The following NCALD variants were observed in gnomAD, a reference collection of about 807,000 sequenced individuals.
NCALD encodes neurocalcin-delta.
Under a neutral mutation model 18.6 loss-of-function variants are expected in NCALD, and 10 were observed. The ratio of observed to expected loss-of-function variants is 0.54; its 90% CI spans 0.33 to 0.91. The LOEUF (loss-of-function observed/expected upper bound fraction) is 0.91. NCALD is among the 40% of genes least tolerant of loss of function. The pLI is 0.03. For synonymous variants in NCALD, 88 were observed against 87.4 expected (o/e 1.01, Z -0.04); for missense variants, 184 against 247.6 (o/e 0.74, Z 1.72).
At position 101,950,371 on chromosome 8, in the gene NCALD, G is replaced by A. The variant is rs190927942; in HGVS notation, c.-156-34513C>T. ...CAGGACCAGGCATTTCTAAAAGTAG[G>A]AAATGTGAAAAGAGACAACAGTAAT... On this transcript the variant is annotated intron_variant, in intron 2 of 6. Coordinates refer to the NCALD transcript ENST00000311028. The A allele has an allele frequency of 5.3e-5, 8 of 151,860 alleles. No individual in the cohort carries two copies. The East Asian group carries it at 1.3e-3, about 26-fold the overall frequency. The allele number at this position is 151,860 out of a possible 1,614,324, so 9.4% of individuals were successfully genotyped here.
chr8:101,804,313 T>C, intron 4 of NCALD, among the ~76,000 whole-genome samples: 1 of 108,578 alleles, frequency 9.2e-6, no homozygotes, highest in South Asian at 3.2e-4. Context: ...ATTATATCAA[T>C]TATATATTAT....
chr8:101,890,566 G>T lies in NCALD; in HGVS notation c.-106-3339C>A, dbSNP rs868862894. 1.2e-4 allele frequency among the ~76,000 whole-genome samples: 19 copies of T among 152,254 alleles called. 1 individual carries two copies. Among genetic ancestry groups the T allele is most frequent in the Middle Eastern group, 3.4e-3 (1 of 294 alleles). On this transcript the variant is annotated intron_variant, in intron 3 of 6. Coordinates refer to the NCALD transcript ENST00000311028. ...ACTGGGATTAGCACACTTATAAAAG[G>T]GCTCCAGGTTGAAGGGAGTGCCCTC...
chr8:101,851,946 C>T (rs1013707540), intron 4 of NCALD, among the ~76,000 whole-genome samples: 1 of 152,020 alleles, frequency 6.6e-6, no homozygotes, highest in Non-Finnish European at 1.5e-5. Context: ...GGGATTATTG[C>T]CCTTATAAAA....
chr8:101,746,956 T>C (rs1029932481), intron 1 of NCALD, among the ~76,000 whole-genome samples: 3 of 152,126 alleles, frequency 2.0e-5, no homozygotes, highest in African/African-American at 7.2e-5. Context: ...AGGGCAAAGA[T>C]GTTCCAATCA....
chr8:101,816,055 G>A (rs553882608), intron 4 of NCALD, among the ~76,000 whole-genome samples: 1 of 152,096 alleles, frequency 6.6e-6, no homozygotes, highest in Admixed American at 6.6e-5. Context: ...GCTACATACT[G>A]TATGATTCCA....
At chr8:102,084,083 A>C (rs967802299) in intron 1 of NCALD, among the ~76,000 whole-genome samples, 2 of 152,238 alleles carry the variant, frequency 1.3e-5, no homozygotes, top group Non-Finnish European at 2.9e-5. Flanking sequence ...CTCTAAATGC[A>C]CAGTCAGAAT....
chr8:101,825,440 C>T (rs1813896443), intron 4 of NCALD, among the ~76,000 whole-genome samples: 1 of 152,244 alleles, frequency 6.6e-6, no homozygotes, highest in Non-Finnish European at 1.5e-5. Flanking sequence ...CTTGAACAAT[C>T]CAGTTAGATC....
In NCALD at chr8:101,828,330, A is replaced by T. The variant is rs112534765; in HGVS notation, c.-20+58811T>A. On this transcript the variant is annotated intron_variant, in intron 4 of 6. Transcript: ENST00000311028. ...CTTGCCAGCCCCGCTCCCGATTACT[A>T]CCCCGATTCAATGCTTCCTCTCCCC... is the stretch of plus-strand genomic sequence containing the variant. Among the ~76,000 whole-genome samples, 1,423 of 152,010 alleles carry T rather than the reference A, an allele frequency of 9.4e-3. 27 individuals are homozygous for T. Among genetic ancestry groups the T allele is most frequent in the African/African-American group, 0.027 (1,123 of 41,452 alleles).
chr8:102,046,837 T>C (rs1413173342), intron 1 of NCALD, among the ~76,000 whole-genome samples: 4 of 151,492 alleles, frequency 2.6e-5, no homozygotes, highest in Non-Finnish European at 5.9e-5. Context: ...GTTTGGGGGC[T>C]ACATATGAAG....
intron 1 of NCALD, among the ~76,000 whole-genome samples, chr8:102,108,875 G>A (rs1457649837): frequency 2.0e-5 from 3 of 152,188 alleles, no homozygotes; most frequent in African/African-American, 2.4e-5. Context: ...TCAGAAGGAC[G>A]ACCAGAAAAA....
intron 2 of NCALD, among the ~76,000 whole-genome samples, chr8:101,935,802 T>A (rs1818741619): frequency 6.8e-6 from 1 of 147,974 alleles, no homozygotes; most frequent in Non-Finnish European, 1.5e-5. Flanking sequence ...TTTTTTTTTT[T>A]TTTAAAGATG....
intron 3 of NCALD, among the ~76,000 whole-genome samples, chr8:101,907,948 C>A (rs1216710909): frequency 1.3e-5 from 2 of 152,150 alleles, no homozygotes; most frequent in Non-Finnish European, 2.9e-5. Flanking sequence ...TGGGATTCCA[C>A]AAGGGAGTAG....
chr8:101,918,327 A>G (rs2131635895), intron 2 of NCALD, among the ~76,000 whole-genome samples: 1 of 152,272 alleles, frequency 6.6e-6, no homozygotes, highest in Middle Eastern at 3.4e-3. Context: ...GAAAGAACAT[A>G]CCTCAAAATA....
chr8:101,851,035 C>T (rs1305860516), intron 4 of NCALD, among the ~76,000 whole-genome samples: 2 of 152,108 alleles, frequency 1.3e-5, no homozygotes, highest in African/African-American at 4.8e-5. Flanking sequence ...TTCAAGGCAA[C>T]TGAAAGCCTT....
At chr8:101,895,456 G>A (rs1817123788) in intron 3 of NCALD, among the ~76,000 whole-genome samples, 1 of 151,418 alleles carries the variant, frequency 6.6e-6, no homozygotes, top group Non-Finnish European at 1.5e-5. Flanking sequence ...ACTGGCACAA[G>A]ACAGGGATGC....
chr8:101,943,821 G>A (rs1397230968), intron 2 of NCALD, among the ~76,000 whole-genome samples: 1 of 152,016 alleles, frequency 6.6e-6, no homozygotes, highest in Non-Finnish European at 1.5e-5. Context: ...GGCTCCTGTA[G>A]TCTCAGTTAC....
intron 1 of NCALD, among the ~76,000 whole-genome samples, chr8:102,071,218 C>T (rs1824169911): frequency 6.6e-6 from 1 of 152,100 alleles, no homozygotes; most frequent in East Asian, 1.9e-4. Context: ...AGCAGAATGG[C>T]CTGGGAGAGT....
chr8:101,761,682 T>C (rs1364131497), intron 1 of NCALD, among the ~76,000 whole-genome samples: 2 of 152,200 alleles, frequency 1.3e-5, no homozygotes, highest in Non-Finnish European at 2.9e-5. Context: ...AGGGACTTAT[T>C]TGTTTCCCAG....
intron 4 of NCALD, among the ~76,000 whole-genome samples, chr8:101,846,071 T>G (rs1356121833): frequency 6.6e-6 from 1 of 152,218 alleles, no homozygotes; most frequent in African/African-American, 2.4e-5. Flanking sequence ...TATCCATTCA[T>G]CTGCTGAAGA....
Sources: allele counts gnomAD v4.1 joint callset (sites outside exome capture counted in the v4.1 genomes callset), GRCh38; gene constraint gnomAD v4.1.1; transcripts MANE v1.5; gene names NCBI Gene and HGNC (gene_info 2026-07-23, HGNC 2026-07-21).